SBNO1: variants seen among roughly 807,000 people sequenced by gnomAD.
SBNO1 encodes the protein strawberry notch homolog 1, also known as protein strawberry notch homolog 1.
In SBNO1, 23 loss-of-function variants were observed where a neutral mutation model predicts 173.6. The observed-to-expected ratio is 0.13, with a 90% CI of 0.10 to 0.19. The LOEUF is 0.19. Among genes scored for constraint, SBNO1 ranks in the 10% least tolerant of loss-of-function variants. The pLI, the probability that SBNO1 is intolerant of heterozygous loss-of-function variation, is 1.00. For synonymous variants in SBNO1, 632 were observed against 571.5 expected, an observed-to-expected ratio of 1.11 and a Z score of -1.51; for missense variants, 1,238 against 1,671.2, an observed-to-expected ratio of 0.74 and a Z score of 4.52.
At chr12:123,303,922 CTTTTTTTTTTT>C (rs11413728) in intron 29 of SBNO1, among the ~76,000 whole-genome samples, 2 of 100,464 alleles carry the variant, frequency 2.0e-5, no homozygotes, top group Admixed American at 1.6e-4. Context: ...AATAAGTATT[CTTTTTTTTTTT>C]TTTTTTTTTT....
At chr12:123,326,480 C>T (rs1870623633) in intron 13 of SBNO1, 146 bp from the exon 14 acceptor site, 2 of 467,948 alleles carry the variant, frequency 4.3e-6, no homozygotes, top group African/African-American at 4.0e-5. Flanking sequence ...ATCTATTTCT[C>T]AGGATACTCA....
chr12:123,308,144 T>C (rs978244631), intron 28 of SBNO1, among the ~76,000 whole-genome samples: 1 of 152,182 alleles, frequency 6.6e-6, no homozygotes, highest in Non-Finnish European at 1.5e-5. Flanking sequence ...TCTGTTGTCT[T>C]GGATCTGAGT....
intron 10 of SBNO1, 37 bp downstream of exon 10, chr12:123,328,697 C>T (rs138233957): frequency 5.1e-5 from 72 of 1,413,510 alleles, no homozygotes; most frequent in Non-Finnish European, 6.2e-5. Flanking sequence ...ATTTTCTTGT[C>T]GTTAAAAAAT....
intron 24 of SBNO1, among the ~76,000 whole-genome samples, chr12:123,311,748 A>ATATATTTTTT (rs1255479099): frequency 7.4e-6 from 1 of 134,372 alleles, no homozygotes; most frequent in African/African-American, 2.9e-5. Flanking sequence ...ATATATATAT[A>ATATATTTTTT]TTTTTGCGAC....
Position 123,295,587 on chromosome 12 carries a change from C to A in SBNO1, c.*321G>T, listed in dbSNP as rs1593312637. ...TTTGGGAAGTTCCAAGCATTTTAAA[C>A]CAACTGTGGTCTGTAGCCTTTAACA... On this transcript the variant is annotated 3_prime_UTR_variant, in exon 32 of 32. Transcript: ENST00000602398. 6 of 237,364 alleles carry A rather than the reference C, an allele frequency of 2.5e-5. No homozygotes were observed. Among genetic ancestry groups the A allele is most frequent in the Non-Finnish European group, 4.2e-5 (5 of 120,366 alleles). 14.7% of individuals were successfully genotyped at this position (237,364 alleles called of 1,614,324 possible). A position where few individuals can be genotyped will look rare whatever the true frequency, so the allele number is the denominator to read the frequency against.
At position 123,364,794 on chromosome 12, in the gene SBNO1, G is replaced by GGCAGCA; in HGVS notation, c.-100_-95dup. On this transcript the variant is annotated 5_prime_UTR_variant, in exon 1 of 32. Transcript: ENST00000602398. ...CTGGAGCGGAGGCGGCGGTGGCGGC[G>GGCAGCA]GCAGCAGCGGCGTCCTGCTCTGCCT... 1.0e-6 allele frequency: 1 copy of GGCAGCA among 985,852 alleles called. No homozygotes were observed. The highest frequency in any genetic ancestry group is 1.2e-6 in the Non-Finnish European group (1 of 831,038). 61.1% of individuals were successfully genotyped at this position (985,852 alleles called of 1,614,324 possible).
chr12:123,355,167 C>T (rs1055365062), intron 1 of SBNO1, among the ~76,000 whole-genome samples: 3 of 151,982 alleles, frequency 2.0e-5, no homozygotes, highest in Non-Finnish European at 2.9e-5. Context: ...ACTACAGGCC[C>T]GTGCCACCAC....
intron 31 of SBNO1, among the ~76,000 whole-genome samples, chr12:123,297,350 A>ATTCCATAGACTG (rs2048635529): frequency 7.5e-6 from 1 of 133,014 alleles, no homozygotes; most frequent in Non-Finnish European, 1.6e-5. Context: ...AAAAAAAAAA[A>ATTCCATAGACTG]AATTCATTAA....
In SBNO1 at chr12:123,293,826, G is replaced by A. The variant is rs2048545771; in HGVS notation, c.*2082C>T. On this transcript the variant is annotated 3_prime_UTR_variant, in exon 32 of 32. Coordinates refer to ENST00000602398, the MANE Select transcript of SBNO1 (RefSeq NM_001167856.3). ...GGAGTTGGGCCAACAGCCTGCGAGA[G>A]AAGATCCTTCCCAACTCTGCCATTC... 6.6e-6 allele frequency: 1 copy of A among 152,194 alleles called. No individual in the cohort carries two copies. Among genetic ancestry groups the A allele is most frequent in the East Asian group, 1.9e-4 (1 of 5,196 alleles). The allele number at this position is 152,194 out of a possible 1,614,324, so 9.4% of individuals were successfully genotyped here.
intron 20 of SBNO1, among the ~76,000 whole-genome samples, chr12:123,318,761 C>T (rs1869604779): frequency 6.7e-6 from 1 of 149,632 alleles, no homozygotes; most frequent in Non-Finnish European, 1.5e-5. Flanking sequence ...AAAAGAGTCT[C>T]TGGAGGCACC....
chr12:123,347,978 C>T (rs746034942), intron 3 of SBNO1, 51 bp downstream of exon 3: 5 of 1,184,132 alleles, frequency 4.2e-6, no homozygotes, highest in South Asian at 1.3e-5. Flanking sequence ...TGTTTTCTCA[C>T]TACACTTCTA....
intron 31 of SBNO1, among the ~76,000 whole-genome samples, chr12:123,296,416 C>T (rs921842410): frequency 2.6e-5 from 4 of 152,082 alleles, no homozygotes; most frequent in Non-Finnish European, 4.4e-5. Context: ...AAATGCTAAC[C>T]GAAACAGGTT....
Position 123,340,994 on chromosome 12 carries a change from T to A in SBNO1, c.645A>T (p.Pro215=), listed in dbSNP as rs764230533. 2 of 1,568,676 alleles carry A rather than the reference T, an allele frequency of 1.3e-6. No homozygotes were observed. Among genetic ancestry groups the A allele is most frequent in the Non-Finnish European group, 1.7e-6 (2 of 1,144,906 alleles). Residue 215 remains proline, a synonymous_variant, in exon 5 of 32, where the codon CCA becomes CCT. Transcript: ENST00000602398. ...INDMKMRSFS[P]TMKVPVVKED... ...ACAGTTATTTGAAACTCACCATGGT[T>A]GGGGAAAAACTCCTCATCTTCATGT... is the stretch of plus-strand genomic sequence containing the variant.
chr12:123,364,235 C>T (rs1445381232), intron 1 of SBNO1: 1 of 985,532 alleles, frequency 1.0e-6, no homozygotes, highest in African/African-American at 1.7e-5. Flanking sequence ...CCCTCCCTCG[C>T]CCAGAGCCGG....
chr12:123,302,226 C>T (rs981515901), intron 30 of SBNO1, among the ~76,000 whole-genome samples: 2 of 150,094 alleles, frequency 1.3e-5, no homozygotes, highest in African/African-American at 2.5e-5. Flanking sequence ...AGCCACCACA[C>T]CTGGCCTTAT....
chr12:123,304,003 T>C (rs948644721), intron 29 of SBNO1, among the ~76,000 whole-genome samples: 1 of 138,112 alleles, frequency 7.2e-6, no homozygotes, highest in Non-Finnish European at 1.5e-5. Flanking sequence ...CTCGGCTTAC[T>C]GCAAGCCTCC....
At chr12:123,327,656 C>A in intron 12 of SBNO1, 51 bp downstream of exon 12, 2 of 1,588,112 alleles carry the variant, frequency 1.3e-6, no homozygotes, top group Non-Finnish European at 1.7e-6. Flanking sequence ...TTAGGAATAA[C>A]ACACTTCTTA....
intron 10 of SBNO1, among the ~76,000 whole-genome samples, chr12:123,328,280 G>GC (rs1237981331): frequency 2.6e-5 from 4 of 152,214 alleles, no homozygotes; most frequent in African/African-American, 9.6e-5. Context: ...ACCCACTGCA[G>GC]CAAGAAGTTG....
chr12:123,328,986 T>C (rs1055680953), intron 9 of SBNO1, 91 bp from the exon 10 acceptor site: 41 of 728,984 alleles, frequency 5.6e-5, no homozygotes, highest in Middle Eastern at 7.0e-4. Context: ...CAGGAACTCT[T>C]GTTAGGCCCA....
Sources: allele counts gnomAD v4.1 joint callset (sites outside exome capture counted in the v4.1 genomes callset), GRCh38; gene constraint gnomAD v4.1.1; transcripts MANE v1.5; gene names NCBI Gene and HGNC (gene_info 2026-07-23, HGNC 2026-07-21).